Variants in R3HDM2 observed in about 807,000 individuals in gnomAD.
R3HDM2 encodes R3H domain containing 2, also known as R3H domain-containing protein 2.
A neutral mutation model predicts 124.5 loss-of-function variants in R3HDM2; 38 were observed. That is an observed-to-expected ratio of 0.31 (90% confidence interval 0.24 to 0.40). The LOEUF is 0.40. Among genes scored for constraint, R3HDM2 ranks in the 10% least tolerant of loss-of-function variants. The probability of loss-of-function intolerance (pLI) is 1.00; values close to 1 mark genes in which losing one functional copy is unlikely to be tolerated. For synonymous variants in R3HDM2, 391 were observed against 448.0 expected, an observed-to-expected ratio of 0.87 and a Z score of 1.61; for missense variants, 869 against 1,236.9, an observed-to-expected ratio of 0.70 and a Z score of 4.46.
chr12:57,397,621 C>T (rs2067678011), intron 1 of R3HDM2, among the ~76,000 whole-genome samples: 1 of 152,118 alleles, frequency 6.6e-6, no homozygotes, highest in Admixed American at 6.6e-5. Context: ...CCCTTTTCAC[C>T]ACTAGTGCTG....
At chr12:57,403,154 G>A (rs984940150) in intron 1 of R3HDM2, among the ~76,000 whole-genome samples, 9 of 151,904 alleles carry the variant, frequency 5.9e-5, no homozygotes, top group African/African-American at 2.2e-4. Flanking sequence ...TTAGGAGTTC[G>A]AGACCAGTCT....
chr12:57,385,619 C>T (rs965119716), intron 2 of R3HDM2, among the ~76,000 whole-genome samples: 2 of 151,308 alleles, frequency 1.3e-5, no homozygotes, highest in Non-Finnish European at 2.9e-5. Flanking sequence ...ATGGGAAGAT[C>T]ACTTGATCCT....
Position 57,300,925 on chromosome 12 carries a change from C to A in R3HDM2, c.208-744G>T, listed in dbSNP as rs969734386. On this transcript the variant is annotated intron_variant, in intron 4 of 23. Coordinates refer to ENST00000402412, the MANE Select transcript of R3HDM2 (RefSeq NM_001394031.1). Reference sequence around the variant, plus strand: ...TCACAGTCTGGGCAACATAGTGAGACCCTATCTCTGCAAAAAAATTTTTTA... The same window carrying A: ...TCACAGTCTGGGCAACATAGTGAGAACCTATCTCTGCAAAAAAATTTTTTA... Among the ~76,000 whole-genome samples the A allele has an allele frequency of 2.4e-4, 37 of 151,936 alleles. 1 individual carries two copies. Among genetic ancestry groups the A allele is most frequent in the Admixed American group, 7.9e-4 (12 of 15,228 alleles).
At chr12:57,300,611 C>T (rs1237143616) in intron 4 of R3HDM2, among the ~76,000 whole-genome samples, 1 of 152,196 alleles carries the variant, frequency 6.6e-6, no homozygotes, top group South Asian at 2.1e-4. Context: ...AATTACCTGA[C>T]CTCTCCAGGT....
intron 2 of R3HDM2, among the ~76,000 whole-genome samples, chr12:57,356,175 A>T (rs1009878041): frequency 2.0e-5 from 3 of 152,098 alleles, no homozygotes; most frequent in African/African-American, 7.2e-5. Flanking sequence ...CAGTATTACC[A>T]CTAAGTATTA....
At chr12:57,422,568 A>G (rs1172497321) in intron 1 of R3HDM2, among the ~76,000 whole-genome samples, 1 of 152,204 alleles carries the variant, frequency 6.6e-6, no homozygotes, top group Non-Finnish European at 1.5e-5. Flanking sequence ...GCCAGATCAT[A>G]AAGAGTTTTT....
chr12:57,266,797 C>T lies in R3HDM2; in HGVS notation c.2065G>A (p.Glu689Lys). The change falls in exon 19 of 24, where the codon GAG (glutamate) becomes AAG (lysine). Residue 689 changes from glutamate (E) to lysine (K), a missense_variant. Around this residue, in one of 2 missense-constraint regions of R3HDM2, gnomAD observed 602 missense variants for 789.2 expected, o/e 0.76. Coordinates refer to ENST00000402412, the MANE Select transcript of R3HDM2 (RefSeq NM_001394031.1). ...GGAGACTGAGGCATCTGGTACTGCT[C>T]AGAGCCAGGGGGTTGCAGAAACCCT... The part of the protein sequence containing the change: ...SVGFLQPPGS[E>K]QYQMPQSPSP... 1.2e-6 allele frequency: 2 copies of T among 1,610,476 alleles called. No homozygotes were observed. The highest frequency in any genetic ancestry group is 1.1e-5 in the South Asian group (1 of 90,934).
At chr12:57,416,936 C>G (rs2069677812) in intron 1 of R3HDM2, among the ~76,000 whole-genome samples, 2 of 151,660 alleles carry the variant, frequency 1.3e-5, no homozygotes, top group South Asian at 2.1e-4. Flanking sequence ...ATGGTGAAAC[C>G]CCATCTCTAC....
chr12:57,378,620 C>T (rs2064405532), intron 2 of R3HDM2, among the ~76,000 whole-genome samples: 1 of 152,160 alleles, frequency 6.6e-6, no homozygotes, highest in Non-Finnish European at 1.5e-5. Context: ...CTCAAGACAT[C>T]CTTCTGCTTT....
chr12:57,414,515 A>G (rs569161403), intron 1 of R3HDM2, among the ~76,000 whole-genome samples: 9 of 148,544 alleles, frequency 6.1e-5, no homozygotes, highest in African/African-American at 2.2e-4. Flanking sequence ...AAAAAACGAA[A>G]AAACCAAAAA....
chr12:57,348,712 AAAAAAAAAAGAG>A lies in R3HDM2; in HGVS notation c.-35-38261_-35-38250del, dbSNP rs1391903784. On this transcript the variant is annotated intron_variant, in intron 2 of 23. Transcript: ENST00000402412. ...CCGTCTCAAAAAAAAAAAAAAAAAA[AAAAAAAAAAGAG>A]AGAGAAAAATTAGCCAGGCATGGTG... 1.1e-3 allele frequency among the ~76,000 whole-genome samples: 49 copies of A among 43,760 alleles called. 5 individuals are homozygous for A. The highest frequency in any genetic ancestry group is 2.2e-3 in the East Asian group (1 of 450). 28.7% of individuals were successfully genotyped at this position (43,760 alleles called of 152,430 possible). A position where few individuals can be genotyped will look rare whatever the true frequency, so the allele number is the denominator to read the frequency against.
At chr12:57,258,828 A>G in intron 20 of R3HDM2, 62 bp downstream of exon 20, 2 of 1,399,168 alleles carry the variant, frequency 1.4e-6, no homozygotes, top group Non-Finnish European at 1.9e-6. Flanking sequence ...AATAGCAAAC[A>G]TTGCGCCCCG....
At chr12:57,282,299 CA>C (rs796325846) in intron 13 of R3HDM2, among the ~76,000 whole-genome samples, 95 of 127,948 alleles carry the variant, frequency 7.4e-4, no homozygotes, top group Middle Eastern at 5.1e-3. Context: ...GACTCCATCT[CA>C]AAAAAAAAAA....
intron 2 of R3HDM2, among the ~76,000 whole-genome samples, chr12:57,324,960 C>G (rs1477327776): frequency 1.3e-5 from 2 of 152,152 alleles, no homozygotes; most frequent in Non-Finnish European, 2.9e-5. Context: ...AATTTGGACA[C>G]AGAAGTACAC....
At chr12:57,348,454 G>A (rs891672904) in intron 2 of R3HDM2, among the ~76,000 whole-genome samples, 3 of 151,984 alleles carry the variant, frequency 2.0e-5, no homozygotes, top group African/African-American at 7.3e-5. Flanking sequence ...AGCACTTTGG[G>A]AGGCCAAGGC....
At chr12:57,385,311 G>A (rs1276362438) in intron 2 of R3HDM2, among the ~76,000 whole-genome samples, 1 of 146,266 alleles carries the variant, frequency 6.8e-6, no homozygotes, top group Admixed American at 6.8e-5. Flanking sequence ...GGCGCAATCT[G>A]GCTCACTGCA....
chr12:57,427,109 G>A (rs769649070), intron 1 of R3HDM2, among the ~76,000 whole-genome samples: 9 of 151,896 alleles, frequency 5.9e-5, no homozygotes, highest in Non-Finnish European at 8.8e-5. Context: ...TGACCAACAC[G>A]GTGAAACACC....
intron 19 of R3HDM2, among the ~76,000 whole-genome samples, chr12:57,261,864 T>C (rs573148107): frequency 1.6e-3 from 216 of 132,008 alleles, no homozygotes; most frequent in African/African-American, 6.1e-3. Context: ...GGAGGGGGGG[T>C]TGAATAAGGA....
chr12:57,371,083 C>CTTTTT lies in R3HDM2; in HGVS notation c.-36+24661_-36+24665dup, dbSNP rs775839017. On this transcript the variant is annotated intron_variant, in intron 2 of 23. Coordinates refer to ENST00000402412, the MANE Select transcript of R3HDM2 (RefSeq NM_001394031.1). The stretch of plus-strand genomic sequence containing the variant: ...AATGGGAACCAAATATATACCATTA[C>CTTTTT]TTTTTTTTTTTTTTTTTTTTTTTTT... Among the ~76,000 whole-genome samples, 142 of 40,896 alleles carry CTTTTT rather than the reference C, an allele frequency of 3.5e-3. 23 individuals are homozygous for CTTTTT. Among genetic ancestry groups the CTTTTT allele is most frequent in the Non-Finnish European group, 4.5e-3 (103 of 22,794 alleles). The allele number at this position is 40,896 out of a possible 152,430, so 26.8% of individuals were successfully genotyped here. A position where few individuals can be genotyped will look rare whatever the true frequency, so the allele number is the denominator to read the frequency against.
Sources: gnomAD v4.1 joint callset for allele counts (sites outside exome capture counted in the v4.1 genomes callset) on GRCh38, gnomAD v4.1.1 for gene constraint, gnomAD v4.1.1 regional missense constraint, MANE v1.5 for transcripts, NCBI Gene and HGNC (gene_info 2026-07-23, HGNC 2026-07-21) for gene names.